Variants in HTR7 observed in about 807,000 individuals in gnomAD.
HTR7 encodes the protein 5-HT-7.
In HTR7, 16 loss-of-function variants were observed where a neutral mutation model predicts 34.0. The observed-to-expected ratio is 0.47, with a 90% CI of 0.32 to 0.71. The LOEUF (loss-of-function observed/expected upper bound fraction) is 0.71, where lower values mean the gene tolerates loss of function less well. HTR7 is among the 30% of genes least tolerant of loss of function. HTR7 has a pLI of 0.04. For synonymous variants in HTR7, 265 were observed against 260.2 expected (o/e 1.02, Z -0.18); for missense variants, 504 against 625.5 (o/e 0.81, Z 2.07).
In HTR7 at chr10:90,857,555, C is replaced by A; in HGVS notation, c.117G>T (p.Pro39=). ...PDLSPDGGAD[P]VAGSWAPHLL... ...GGTGCGGCGCCCAGGAGCCCGCGAC[C>A]GGGTCGGCGCCACCGTCGGGGCTCA... The change falls in exon 1 of 4, where the codon CCG becomes CCT. Residue 39 remains proline (P), a synonymous_variant. Transcript: ENST00000336152. This position sits in a 1 kb window ranked among gnomAD's most constrained non-coding sequence, Gnocchi z 6.5. 6.3e-7 allele frequency: 1 copy of A among 1,597,296 alleles called. No individual in the cohort carries two copies. The highest frequency in any genetic ancestry group is 1.1e-5 in the South Asian group (1 of 89,656).
chr10:90,758,093 A>G (rs1025143686), intron 1 of HTR7, among the ~76,000 whole-genome samples: 6 of 152,228 alleles, frequency 3.9e-5, no homozygotes, highest in African/African-American at 1.2e-4. Flanking sequence ...CACACCTGTA[A>G]TCCCAGTACT....
chr10:90,850,059 A>C (rs1259346282), intron 1 of HTR7, among the ~76,000 whole-genome samples: 3 of 152,260 alleles, frequency 2.0e-5, no homozygotes, highest in Admixed American at 1.3e-4. Flanking sequence ...CAAAAACACC[A>C]GAAGAGCACT....
At chr10:90,832,885 C>G (rs1264105294) in intron 1 of HTR7, among the ~76,000 whole-genome samples, 3 of 152,220 alleles carry the variant, frequency 2.0e-5, no homozygotes, top group African/African-American at 7.2e-5. Context: ...CAGACAAGGG[C>G]ACAGCCAGTG....
At chr10:90,794,555 G>A (rs1845509302) in intron 1 of HTR7, among the ~76,000 whole-genome samples, 1 of 152,086 alleles carries the variant, frequency 6.6e-6, no homozygotes, top group Non-Finnish European at 1.5e-5. Context: ...GTGCAGTGGT[G>A]CAGTCATGGC....
At chr10:90,785,969 G>T (rs1845373637) in intron 1 of HTR7, among the ~76,000 whole-genome samples, 1 of 152,202 alleles carries the variant, frequency 6.6e-6, no homozygotes, top group South Asian at 2.1e-4. Context: ...TTTCTCACCT[G>T]TGTTCATGTG....
At chr10:90,778,156 C>T (rs112993888) in intron 1 of HTR7, among the ~76,000 whole-genome samples, 3,795 of 152,280 alleles carry the variant, frequency 0.025, 158 homozygotes, top group African/African-American at 0.083. Context: ...GATTATCCTC[C>T]TGTGCTATGG....
chr10:90,800,609 T>C (rs562638843), intron 1 of HTR7, among the ~76,000 whole-genome samples: 2 of 152,290 alleles, frequency 1.3e-5, no homozygotes, highest in South Asian at 4.2e-4. Flanking sequence ...AACCCTTTCT[T>C]CACTCCTCCT....
chr10:90,847,223 G>T (rs549008006), intron 1 of HTR7, among the ~76,000 whole-genome samples: 1 of 152,208 alleles, frequency 6.6e-6, no homozygotes, highest in South Asian at 2.1e-4. Context: ...ACCTCACAAT[G>T]TTGTAGAGGG....
rs116988429 is a variant in HTR7 at position 90,838,234 on chromosome 10, C to T, written c.539+18899G>A. On this transcript the variant is annotated intron_variant, in intron 1 of 3. Transcript: ENST00000336152. ...TGATTTTTACCACCAATTCTACTAC[C>T]ATCATGTCTTGGTAAACAGTATCAC... Among the ~76,000 whole-genome samples, 583 of 152,278 alleles carry T rather than the reference C, an allele frequency of 3.8e-3. 1 individual carries two copies. The highest frequency in any genetic ancestry group is 0.031 in the Middle Eastern group (9 of 294).
intron 1 of HTR7, among the ~76,000 whole-genome samples, chr10:90,826,883 G>A (rs1459525979): frequency 6.6e-6 from 1 of 151,960 alleles, no homozygotes; most frequent in African/African-American, 2.4e-5. Context: ...CTTGCAGTGA[G>A]TCAAGATCAT....
chr10:90,756,094 C>T (rs1453623202), intron 1 of HTR7, among the ~76,000 whole-genome samples: 2 of 152,122 alleles, frequency 1.3e-5, no homozygotes, highest in African/African-American at 2.4e-5. Flanking sequence ...AACATAAGCT[C>T]GAGCTAAAGA....
intron 1 of HTR7, among the ~76,000 whole-genome samples, chr10:90,770,295 C>T (rs912978294): frequency 1.3e-5 from 2 of 152,174 alleles, no homozygotes; most frequent in African/African-American, 4.8e-5. Flanking sequence ...AGGGCTGAGC[C>T]GAGCTACCTG....
At chr10:90,830,280 A>G (rs1846146372) in intron 1 of HTR7, among the ~76,000 whole-genome samples, 1 of 152,332 alleles carries the variant, frequency 6.6e-6, no homozygotes, top group East Asian at 1.9e-4. Flanking sequence ...ATACTCTGCA[A>G]TTATTAAAGA....
At chr10:90,775,424 G>T (rs980691181) in intron 1 of HTR7, among the ~76,000 whole-genome samples, 1 of 152,188 alleles carries the variant, frequency 6.6e-6, no homozygotes, top group Non-Finnish European at 1.5e-5. Flanking sequence ...TGAAGATGTT[G>T]AGGAAGAGAA....
chr10:90,758,760 A>G (rs1473334143), intron 1 of HTR7, among the ~76,000 whole-genome samples: 2 of 152,076 alleles, frequency 1.3e-5, no homozygotes, highest in East Asian at 3.8e-4. Flanking sequence ...ACATGGAAAG[A>G]CCACTGCAGG....
At chr10:90,763,188 A>T (rs1844967198) in intron 1 of HTR7, among the ~76,000 whole-genome samples, 1 of 152,166 alleles carries the variant, frequency 6.6e-6, no homozygotes, top group African/African-American at 2.4e-5. Flanking sequence ...TGGAATTTTG[A>T]TAGGAGTTGC....
At chr10:90,846,825 A>G (rs904696087) in intron 1 of HTR7, among the ~76,000 whole-genome samples, 1 of 152,232 alleles carries the variant, frequency 6.6e-6, no homozygotes, top group African/African-American at 2.4e-5. Flanking sequence ...AGGAATTCCC[A>G]TAACTAAAGG....
intron 1 of HTR7, among the ~76,000 whole-genome samples, chr10:90,853,677 T>G (rs1846535110): frequency 6.6e-6 from 1 of 152,190 alleles, no homozygotes; most frequent in African/African-American, 2.4e-5. Flanking sequence ...TGACAAGATA[T>G]TCTATATCTT....
At chr10:90,758,187 A>G (rs888842206) in intron 1 of HTR7, among the ~76,000 whole-genome samples, 2 of 152,048 alleles carry the variant, frequency 1.3e-5, no homozygotes, top group African/African-American at 2.4e-5. Context: ...TCTACTAAAA[A>G]TACAAAAATT....
Sources: allele counts gnomAD v4.1 joint callset (sites outside exome capture counted in the v4.1 genomes callset), GRCh38; gene constraint gnomAD v4.1.1; non-coding constraint Gnocchi (gnomAD v3.1); transcripts MANE v1.5; gene names NCBI Gene and HGNC (gene_info 2026-07-23, HGNC 2026-07-21).